The following MAGI1 variants were observed in gnomAD, a reference collection of about 807,000 sequenced individuals.
The protein encoded by MAGI1 is membrane-associated guanylate kinase, WW and PDZ domain-containing protein 1.
MAGI1 carries 58 observed loss-of-function variants against 139.9 expected under a neutral mutation model. That is an observed-to-expected ratio of 0.41 (90% CI 0.34 to 0.52). The LOEUF is 0.52. MAGI1 is among the 20% of genes least tolerant of loss of function. The pLI is 0.12. For synonymous variants in MAGI1, 812 were observed against 737.9 expected, an observed-to-expected ratio of 1.10 and a Z score of -1.63; for missense variants, 1,874 against 1,901.6, an observed-to-expected ratio of 0.99 and a Z score of 0.27.
At chr3:65,772,432 G>A (rs1217527350) in intron 1 of MAGI1, among the ~76,000 whole-genome samples, 1 of 152,268 alleles carries the variant, frequency 6.6e-6, no homozygotes, top group Non-Finnish European at 1.5e-5. Context: ...CACCACAGGA[G>A]TGGGCATGGG....
chr3:65,502,290 C>T (rs534236988), intron 2 of MAGI1, among the ~76,000 whole-genome samples: 1 of 152,326 alleles, frequency 6.6e-6, no homozygotes, highest in Non-Finnish European at 1.5e-5. Context: ...TAGCCTAAGG[C>T]TCTGAGCCCG....
At chr3:65,659,389 C>T (rs565691792) in intron 1 of MAGI1, among the ~76,000 whole-genome samples, 63 of 152,308 alleles carry the variant, frequency 4.1e-4, no homozygotes, top group African/African-American at 1.5e-3. Flanking sequence ...CTAATACCAA[C>T]TGGACCCAAC....
intron 1 of MAGI1, among the ~76,000 whole-genome samples, chr3:65,911,909 G>T (rs948015992): frequency 1.3e-5 from 2 of 152,088 alleles, no homozygotes; most frequent in African/African-American, 4.8e-5. Flanking sequence ...TATAGGTAGG[G>T]TTATCCCATT....
intron 1 of MAGI1, among the ~76,000 whole-genome samples, chr3:65,753,437 A>C (rs950804086): frequency 2.6e-5 from 4 of 152,142 alleles, no homozygotes; most frequent in Non-Finnish European, 5.9e-5. Flanking sequence ...AGAAACTAAG[A>C]GTTAAAAAAG....
At position 65,356,160 on chromosome 3, in the gene MAGI1, T is replaced by C. The variant is rs1940183505; in HGVS notation, c.*218A>G. On this transcript the variant is annotated 3_prime_UTR_variant, in exon 23 of 23. Coordinates refer to ENST00000402939, the MANE Select transcript of MAGI1 (RefSeq NM_001033057.2). The stretch of plus-strand genomic sequence containing the variant: ...TTGGCAAATAATTTCCAAAAAAGTA[T>C]GCATTTAAAAATACTTTCTTTAATA... 3 of 423,472 alleles carry C rather than the reference T, an allele frequency of 7.1e-6. No homozygotes were observed. The highest frequency in any genetic ancestry group is 1.2e-5 in the Non-Finnish European group (3 of 251,274). The allele number at this position is 423,472 out of a possible 1,614,324, so 26.2% of individuals were successfully genotyped here. A position where few individuals can be genotyped will look rare whatever the true frequency, so the allele number is the denominator to read the frequency against.
At chr3:65,794,228 A>G (rs889808884) in intron 1 of MAGI1, among the ~76,000 whole-genome samples, 3 of 152,226 alleles carry the variant, frequency 2.0e-5, no homozygotes, top group African/African-American at 7.2e-5. Context: ...TGCTCTGTGG[A>G]AAGAGGCTAA....
intron 1 of MAGI1, among the ~76,000 whole-genome samples, chr3:65,941,912 C>T (rs1450416325): frequency 6.6e-6 from 1 of 152,172 alleles, no homozygotes; most frequent in East Asian, 1.9e-4. Context: ...CCACCTCAGC[C>T]TCCTGAAGCT....
chr3:65,849,567 C>T lies in MAGI1; in HGVS notation c.313+188429G>A, dbSNP rs541508162. ...CATATATACACATATATATATCTCA[C>T]TGGGATTTGAGGGTTGCTGGTCTGT... On this transcript the variant is annotated intron_variant, in intron 1 of 22. Transcript: ENST00000402939. 1.3e-3 allele frequency among the ~76,000 whole-genome samples: 190 copies of T among 151,148 alleles called. 2 individuals carry two copies. In the Middle Eastern group the frequency reaches 0.018, roughly 14 times the overall value.
intron 1 of MAGI1, among the ~76,000 whole-genome samples, chr3:66,027,419 A>G (rs28637454): frequency 0.027 from 4,124 of 152,144 alleles, 202 homozygotes; most frequent in African/African-American, 0.095. Flanking sequence ...TCCTCCCACC[A>G]CAGCCTCCCT....
intron 1 of MAGI1, among the ~76,000 whole-genome samples, chr3:65,643,632 T>C (rs375000808): frequency 1.3e-5 from 2 of 151,946 alleles, no homozygotes; most frequent in South Asian, 4.1e-4. Context: ...AACCCAGGAA[T>C]GGGTAAAAAC....
intron 3 of MAGI1, among the ~76,000 whole-genome samples, chr3:65,484,890 G>A (rs1951531550): frequency 6.6e-6 from 1 of 152,128 alleles, no homozygotes; most frequent in Non-Finnish European, 1.5e-5. Context: ...GTATATAGCA[G>A]ACTGTTTAAT....
intron 1 of MAGI1, among the ~76,000 whole-genome samples, chr3:65,744,626 T>C (rs1028959416): frequency 1.3e-5 from 2 of 152,100 alleles, no homozygotes; most frequent in African/African-American, 2.4e-5. Flanking sequence ...ATAGAAGATA[T>C]AGACTATATT....
At chr3:65,852,109 G>A (rs1412420018) in intron 1 of MAGI1, among the ~76,000 whole-genome samples, 1 of 152,210 alleles carries the variant, frequency 6.6e-6, no homozygotes, top group Non-Finnish European at 1.5e-5. Flanking sequence ...AAGATATCTG[G>A]TAGGGCTGTA....
At chr3:65,819,421 C>T (rs1410775933) in intron 1 of MAGI1, among the ~76,000 whole-genome samples, 1 of 152,168 alleles carries the variant, frequency 6.6e-6, no homozygotes, top group African/African-American at 2.4e-5. Context: ...CCCCTTCCCT[C>T]CACCCTCACA....
intron 1 of MAGI1, among the ~76,000 whole-genome samples, chr3:65,693,879 T>G (rs756988759): frequency 1.4e-5 from 2 of 140,994 alleles, no homozygotes; most frequent in Non-Finnish European, 3.2e-5. Context: ...TGGACCATCA[T>G]GCCTGGCTAA....
intron 1 of MAGI1, among the ~76,000 whole-genome samples, chr3:65,625,108 A>G (rs55789702): frequency 0.35 from 53,620 of 151,978 alleles, 10,576 homozygotes; most frequent in Non-Finnish European, 0.45. Flanking sequence ...CCTGCCCTCA[A>G]GTGATCTGCC....
intron 1 of MAGI1, among the ~76,000 whole-genome samples, chr3:65,877,396 T>C (rs758085463): frequency 4.6e-5 from 7 of 152,148 alleles, no homozygotes; most frequent in African/African-American, 7.2e-5. Flanking sequence ...ACATAAATGT[T>C]GGCAGCCTCC....
At chr3:65,979,091 C>CCA (rs1553742256) in intron 1 of MAGI1, among the ~76,000 whole-genome samples, 4 of 102,254 alleles carry the variant, frequency 3.9e-5, no homozygotes, top group African/African-American at 1.2e-4. Context: ...CTTTTCTTCC[C>CCA]CCCCCCCGCC....
chr3:65,776,772 G>A (rs903651705), intron 1 of MAGI1, among the ~76,000 whole-genome samples: 39 of 103,768 alleles, frequency 3.8e-4, no homozygotes, highest in African/African-American at 1.2e-3. Flanking sequence ...TGGAGCAGCT[G>A]AAAGACATTT....
Sources: allele counts gnomAD v4.1 joint callset (sites outside exome capture counted in the v4.1 genomes callset), GRCh38; gene constraint gnomAD v4.1.1; transcripts MANE v1.5; gene names NCBI Gene and HGNC (gene_info 2026-07-23, HGNC 2026-07-21).